Variants in TMCC1 observed in about 807,000 individuals in gnomAD.
The protein encoded by TMCC1 is transmembrane and coiled-coil domain family 1.
Under a neutral mutation model 52.4 loss-of-function variants are expected in TMCC1, and 15 were observed. The observed-to-expected ratio is 0.29, with a 90% CI of 0.19 to 0.44. The LOEUF (loss-of-function observed/expected upper bound fraction) is 0.44. TMCC1 is among the 20% of genes least tolerant of loss of function. The pLI is 1.00. For missense variants in TMCC1, 503 were observed against 806.0 expected, an observed-to-expected ratio of 0.62 and a Z score of 4.55; for synonymous variants, 279 against 301.9, an observed-to-expected ratio of 0.92 and a Z score of 0.79.
intron 1 of TMCC1, among the ~76,000 whole-genome samples, chr3:129,884,649 A>T (rs1001624007): frequency 5.9e-5 from 9 of 152,176 alleles, no homozygotes; most frequent in Non-Finnish European, 1.2e-4. Context: ...CTGATAACAG[A>T]GTCTTTTGAA....
At chr3:129,846,735 T>C (rs2059680825) in intron 2 of TMCC1, among the ~76,000 whole-genome samples, 1 of 151,754 alleles carries the variant, frequency 6.6e-6, no homozygotes, top group African/African-American at 2.4e-5. Flanking sequence ...ATTTATGACT[T>C]TGAAGAATGC....
At chr3:129,743,930 T>C (rs909794197) in intron 4 of TMCC1, among the ~76,000 whole-genome samples, 2 of 151,424 alleles carry the variant, frequency 1.3e-5, no homozygotes, top group African/African-American at 4.9e-5. Context: ...CCAAGTGCAC[T>C]TGTTTAAAAA....
chr3:129,845,427 ACT>A (rs955834257), intron 2 of TMCC1, among the ~76,000 whole-genome samples: 2 of 152,138 alleles, frequency 1.3e-5, no homozygotes, highest in Non-Finnish European at 2.9e-5. Context: ...CCTAAATATT[ACT>A]TTTTTACTCC....
At chr3:129,788,819 C>G (rs1318475814) in intron 4 of TMCC1, among the ~76,000 whole-genome samples, 1 of 152,070 alleles carries the variant, frequency 6.6e-6, no homozygotes, top group Non-Finnish European at 1.5e-5. Context: ...TCTTCCTATT[C>G]TGGTTTTGTA....
chr3:129,743,045 G>T (rs1458129317), intron 4 of TMCC1, among the ~76,000 whole-genome samples: 1 of 152,124 alleles, frequency 6.6e-6, no homozygotes, highest in African/African-American at 2.4e-5. Flanking sequence ...TGGGGAGATT[G>T]GGCAGTGATG....
At chr3:129,827,776 C>A (rs756440801) in intron 4 of TMCC1, 27 bp downstream of exon 4, 6 of 1,599,254 alleles carry the variant, frequency 3.8e-6, no homozygotes, top group Non-Finnish European at 8.5e-7. Context: ...AGTAAGTTAA[C>A]AGAAAAACAA....
intron 4 of TMCC1, among the ~76,000 whole-genome samples, chr3:129,822,960 T>C (rs1012411112): frequency 6.6e-6 from 1 of 152,150 alleles, no homozygotes; most frequent in Admixed American, 6.5e-5. Context: ...GAAATCTGAG[T>C]CAGGGTTTCT....
intron 5 of TMCC1, among the ~76,000 whole-genome samples, chr3:129,667,926 C>A (rs560308711): frequency 4.4e-4 from 67 of 152,246 alleles, no homozygotes; most frequent in African/African-American, 1.4e-3. Flanking sequence ...GTGACTCATA[C>A]CTGTAATCCC....
chr3:129,681,980 A>G (rs1323732992), intron 4 of TMCC1, among the ~76,000 whole-genome samples: 1 of 151,930 alleles, frequency 6.6e-6, no homozygotes, highest in Non-Finnish European at 1.5e-5. Context: ...GAGGCCAGAA[A>G]AGCCCTAAGT....
At chr3:129,808,605 CCA>C (rs2057604877) in intron 4 of TMCC1, among the ~76,000 whole-genome samples, 1 of 151,106 alleles carries the variant, frequency 6.6e-6, no homozygotes, top group African/African-American at 2.4e-5. Context: ...GCAATTAACT[CCA>C]GAGACAGCAA....
chr3:129,750,931 G>T (rs2052454878), intron 4 of TMCC1, among the ~76,000 whole-genome samples: 1 of 151,284 alleles, frequency 6.6e-6, no homozygotes, highest in East Asian at 2.0e-4. Context: ...CTGGCACAGT[G>T]GCTCACACCT....
chr3:129,851,831 C>G (rs1325955790), intron 2 of TMCC1, among the ~76,000 whole-genome samples: 1 of 152,144 alleles, frequency 6.6e-6, no homozygotes, highest in Non-Finnish European at 1.5e-5. Context: ...CATATACATA[C>G]CATGGAATGT....
At chr3:129,841,992 C>T (rs532800221) in intron 2 of TMCC1, among the ~76,000 whole-genome samples, 1 of 152,200 alleles carries the variant, frequency 6.6e-6, no homozygotes, top group African/African-American at 2.4e-5. Context: ...CAAACTAATA[C>T]AAGGGGTATT....
At chr3:129,769,706 G>A (rs1358808803) in intron 4 of TMCC1, among the ~76,000 whole-genome samples, 1 of 151,914 alleles carries the variant, frequency 6.6e-6, no homozygotes, top group Non-Finnish European at 1.5e-5. Context: ...TCCACTTAAT[G>A]TTCTTACACT....
chr3:129,805,308 A>C (rs1044312898), intron 4 of TMCC1, among the ~76,000 whole-genome samples: 9 of 152,034 alleles, frequency 5.9e-5, no homozygotes, highest in African/African-American at 1.9e-4. Context: ...GATTGTGGGC[A>C]CAGGCCACCA....
intron 5 of TMCC1, among the ~76,000 whole-genome samples, chr3:129,667,028 C>G (rs903583422): frequency 1.3e-5 from 2 of 151,390 alleles, no homozygotes; most frequent in Admixed American, 1.3e-4. Context: ...CAGCCTCCCC[C>G]GTAACTGGGA....
chr3:129,838,360 G>A (rs1217343804), intron 2 of TMCC1, among the ~76,000 whole-genome samples: 1 of 152,044 alleles, frequency 6.6e-6, no homozygotes, highest in Non-Finnish European at 1.5e-5. Context: ...AAAGAGCCGT[G>A]AGCGTCCCAC....
intron 4 of TMCC1, among the ~76,000 whole-genome samples, chr3:129,781,882 G>A (rs1209210609): frequency 1.3e-5 from 2 of 152,170 alleles, no homozygotes; most frequent in Non-Finnish European, 2.9e-5. Context: ...TGGTAGCAGA[G>A]ATGAGTAGTT....
chr3:129,683,502 C>G (rs995884544), intron 4 of TMCC1, among the ~76,000 whole-genome samples: 2 of 152,202 alleles, frequency 1.3e-5, no homozygotes, highest in Non-Finnish European at 2.9e-5. Context: ...TGATCTTTGA[C>G]AGACTGTAGT....
Sources: gnomAD v4.1 joint callset for allele counts (sites outside exome capture counted in the v4.1 genomes callset) on GRCh38, gnomAD v4.1.1 for gene constraint, MANE v1.5 for transcripts, NCBI Gene and HGNC (gene_info 2026-07-23, HGNC 2026-07-21) for gene names.